The following P3H1 variants were observed in gnomAD, a reference collection of about 807,000 sequenced individuals.
P3H1 encodes prolyl 3-hydroxylase 1.
Under a neutral mutation model 84.0 loss-of-function variants are expected in P3H1, and 69 were observed. The observed-to-expected ratio is 0.82, with a 90% CI of 0.68 to 1.00. P3H1 has a LOEUF of 1.00. Among genes scored for constraint, P3H1 ranks in the 50% least tolerant of loss-of-function variants. The pLI is 0.00. For missense variants in P3H1, 878 were observed against 962.8 expected (o/e 0.91, Z 1.17); for synonymous variants, 366 against 388.8 (o/e 0.94, Z 0.69).
At chr1:42,748,490 C>A in intron 11 of P3H1, 173 bp from the exon 12 acceptor site, 1 of 668,324 alleles carries the variant, frequency 1.5e-6, no homozygotes, top group Admixed American at 2.1e-5. Context: ...AGTCTGCAGG[C>A]TTCCTAGGAC....
chr1:42,755,517 G>A (rs372612728), intron 6 of P3H1, 31 bp downstream of exon 6: 343 of 1,553,788 alleles, frequency 2.2e-4, no homozygotes, highest in Non-Finnish European at 2.6e-4. Context: ...CTCTTTCCCC[G>A]CTCCCTTCCG....
intron 1 of P3H1, 65 bp from the exon 2 acceptor site, chr1:42,762,540 T>G (rs949311426): frequency 2.6e-6 from 4 of 1,564,164 alleles, no homozygotes; most frequent in Non-Finnish European, 3.5e-6. Context: ...TGTGTCCACA[T>G]GAGCAGTCCA....
rs867019627 is a variant in P3H1, at chr1:42,757,706, C to T, written c.1080+77G>A. On this transcript the variant is annotated intron_variant, in intron 5 of 14. Transcript: ENST00000296388. ...CTGCCCTGCACGCACAGCGCCTACT[C>T]CCCTCTGCTACCCCACTCTTCCGCC... 95 of 1,609,602 alleles carry T rather than the reference C, an allele frequency of 5.9e-5. No homozygotes were observed. In the Middle Eastern group the frequency reaches 7.0e-4, roughly 12 times the overall value.
intron 6 of P3H1, 128 bp from the exon 7 acceptor site, chr1:42,755,345 G>T: frequency 9.6e-7 from 1 of 1,043,234 alleles, no homozygotes; most frequent in Non-Finnish European, 1.5e-6. Flanking sequence ...GAGACAAAAT[G>T]GGAGGTTTCC....
In P3H1 at chr1:42,755,606, A is replaced by C; in HGVS notation, c.1112T>G (p.Leu371Arg). 1 of 1,614,124 alleles carries C rather than the reference A, an allele frequency of 6.2e-7. No individual in the cohort carries two copies. The highest frequency in any genetic ancestry group is 2.2e-5 in the East Asian group (1 of 44,880). Residue 371 changes from leucine to arginine, a missense_variant, in exon 6 of 15, where the codon CTG becomes CGG. Physicochemically the swap from Leu to Arg is moderately radical, Grantham distance 102 (BLOSUM62 -2). Coordinates refer to ENST00000296388, the MANE Select transcript of P3H1 (RefSeq NM_022356.4). The part of the protein sequence containing the change: ...SAKEYRQRSL[L>R]EKELLFFAYD... ...AGCGAAGAAAAGCAGTTCTTTTTCC[A>C]GTAGGCTTCGCTGTCGGTACTCCTT...
At chr1:42,755,271 G>A in intron 6 of P3H1, 54 bp from the exon 7 acceptor site, 3 of 1,546,006 alleles carry the variant, frequency 1.9e-6, no homozygotes, top group Non-Finnish European at 2.7e-6. Context: ...TAATCTTCCA[G>A]GTGTCTCAAT....
In P3H1 at chr1:42,759,432, G is replaced by C. The variant is rs778516439; in HGVS notation, c.619-42C>G. ...GCACTCAAATGCAGGCCACAGAGGA[G>C]GAACCCTCTCTCCTTGCCCTCAGCC... On this transcript the variant is annotated intron_variant, in intron 2 of 14. Transcript: ENST00000296388. 1.9e-6 allele frequency: 3 copies of C among 1,573,680 alleles called. No individual in the cohort carries two copies. The African/African-American group carries it at 4.0e-5, about 21-fold the overall frequency.
Position 42,754,285 on chromosome 1 carries a change from A to C in P3H1, c.1345+584T>G, listed in dbSNP as rs1391259806. Among the ~76,000 whole-genome samples, 2 of 152,212 alleles carry C rather than the reference A, an allele frequency of 1.3e-5. No individual in the cohort carries two copies. Among genetic ancestry groups the C allele is most frequent in the East Asian group, 3.9e-4 (2 of 5,168 alleles). On this transcript the variant is annotated intron_variant, in intron 8 of 14. Coordinates refer to ENST00000296388, the MANE Select transcript of P3H1 (RefSeq NM_022356.4). This position sits in a 1 kb window ranked among gnomAD's most constrained non-coding sequence, Gnocchi z 4.0. The stretch of plus-strand genomic sequence containing the variant: ...GAAAAACGGAAAAGGCTGGGGAGAG[A>C]GCTGAGAAGCACTGCAGAGCAGAGC...
At chr1:42,759,178 G>A (rs1652563255) in intron 3 of P3H1, 23 bp downstream of exon 3, 5 of 1,613,564 alleles carry the variant, frequency 3.1e-6, no homozygotes, top group African/African-American at 2.7e-5. Context: ...CTGGCTGAAG[G>A]TCTGGCTCTG....
Position 42,755,447 on chromosome 1 carries a change from G to C in P3H1, c.1170+101C>G, listed in dbSNP as rs77656028. ...GATCCCAGGCTAGGCTCAGCCTCCAGCAAGTTTTCTCTCAGAATCGCACAG... is the reference window on the plus strand; with the variant it reads ...GATCCCAGGCTAGGCTCAGCCTCCACCAAGTTTTCTCTCAGAATCGCACAG... On this transcript the variant is annotated intron_variant, in intron 6 of 14. Coordinates refer to ENST00000296388, the MANE Select transcript of P3H1 (RefSeq NM_022356.4). 6.8e-4 allele frequency: 776 copies of C among 1,140,942 alleles called. 19 individuals carry two copies. The East Asian group carries it at 0.018, about 26-fold the overall frequency. 70.7% of individuals were successfully genotyped at this position (1,140,942 alleles called of 1,614,324 possible).
chr1:42,751,918 C>T (rs1652116895), intron 10 of P3H1: 2 of 355,222 alleles, frequency 5.6e-6, no homozygotes, highest in Non-Finnish European at 1.1e-5. Flanking sequence ...CTGCCCACGC[C>T]CAATACCCCT....
At chr1:42,762,112 A>G (rs1652749387) in intron 2 of P3H1, 1 of 549,250 alleles carries the variant, frequency 1.8e-6, no homozygotes, top group Non-Finnish European at 3.3e-6. Flanking sequence ...CAACCTTAGT[A>G]ATGTCATTTA....
rs1652868648 is a variant in P3H1, at chr1:42,764,161, A to C, written c.466-1686T>G. Among the ~76,000 whole-genome samples, 3 of 152,094 alleles carry C rather than the reference A, an allele frequency of 2.0e-5. No individual in the cohort carries two copies. In the South Asian group the frequency reaches 6.2e-4, roughly 32 times the overall value. On this transcript the variant is annotated intron_variant, in intron 1 of 14. Transcript: ENST00000296388. ...AAAAGAGGGCTGGGTGCGGTGGCTC[A>C]CGCCTGTAATCCCGCACTTTGGGAG... is the stretch of plus-strand genomic sequence containing the variant.
chr1:42,750,247 GA>G lies in P3H1; in HGVS notation c.1658del (p.Phe553SerfsTer41), dbSNP rs1557562343. 2 of 1,613,950 alleles carry G rather than the reference GA, an allele frequency of 1.2e-6. No individual in the cohort carries two copies. The highest frequency in any genetic ancestry group is 2.7e-5 in the African/African-American group (2 of 75,018). ...EKVRRIMESY[F>X]RLDTPLYFSY... ...AAAAGTAGAGGGGCGTATCCAGGCG[GA>G]AGTAGGACTCCATGATGCGCCGCAC... On this transcript the variant is annotated frameshift_variant, in exon 11 of 15. Coordinates refer to ENST00000296388, the MANE Select transcript of P3H1 (RefSeq NM_022356.4). LOFTEE classifies it high-confidence loss of function.
At chr1:42,757,474 C>T (rs941304868) in intron 5 of P3H1, among the ~76,000 whole-genome samples, 9 of 152,178 alleles carry the variant, frequency 5.9e-5, no homozygotes, top group Non-Finnish European at 1.3e-4. Context: ...CAAATAATAT[C>T]GAGTGTCCAA....
At chr1:42,765,733 C>G (rs2124169964) in intron 1 of P3H1, among the ~76,000 whole-genome samples, 2 of 152,242 alleles carry the variant, frequency 1.3e-5, no homozygotes, top group South Asian at 2.1e-4. Flanking sequence ...ATGCACAACT[C>G]TTTCTCCCCC....
chr1:42,755,473 T>C, intron 6 of P3H1, 75 bp downstream of exon 6: 1 of 1,288,140 alleles, frequency 7.8e-7, no homozygotes, highest in East Asian at 2.3e-5. Flanking sequence ...AATCGCACAG[T>C]GTTCCCCTCC....
chr1:42,762,623 C>T (rs187548286), intron 1 of P3H1, 148 bp from the exon 2 acceptor site: 198 of 808,854 alleles, frequency 2.4e-4, no homozygotes, highest in African/African-American at 2.1e-3. Flanking sequence ...CCAGGAAGCA[C>T]ACCTATTGCA....
intron 10 of P3H1, among the ~76,000 whole-genome samples, chr1:42,750,735 G>T (rs1467309753): frequency 2.1e-5 from 3 of 146,226 alleles, no homozygotes; most frequent in Non-Finnish European, 4.6e-5. Flanking sequence ...TGTCCGGGAG[G>T]TGAGGGGCGC....
Sources: gnomAD v4.1 joint callset for allele counts (sites outside exome capture counted in the v4.1 genomes callset) on GRCh38, gnomAD v4.1.1 for gene constraint, Gnocchi (gnomAD v3.1) non-coding constraint, MANE v1.5 for transcripts, NCBI Gene and HGNC (gene_info 2026-07-23, HGNC 2026-07-21) for gene names.